Variants in SLC2A9 observed in about 807,000 individuals in gnomAD.
SLC2A9 encodes solute carrier family 2, facilitated glucose transporter member 9.
A neutral mutation model predicts 50.6 loss-of-function variants in SLC2A9; 39 were observed. The ratio of observed to expected loss-of-function variants is 0.77; its 90% confidence interval spans 0.60 to 1.01. SLC2A9 has a LOEUF of 1.01. Ranked by LOEUF, SLC2A9 falls within the 50% of genes least tolerant of loss-of-function variation. The probability of loss-of-function intolerance (pLI) is 0.00; values close to 1 mark genes in which losing one functional copy is unlikely to be tolerated. For missense variants in SLC2A9, 686 were observed against 677.6 expected, an observed-to-expected ratio of 1.01 and a Z score of -0.14; for synonymous variants, 324 against 276.9, an observed-to-expected ratio of 1.17 and a Z score of -1.69.
In SLC2A9 at chr4:9,935,074, T is replaced by G. The variant is rs140216552; in HGVS notation, c.814+6839A>C. Among the ~76,000 whole-genome samples, 542 of 152,364 alleles carry G rather than the reference T, an allele frequency of 3.6e-3. 5 individuals carry two copies. Among genetic ancestry groups the G allele is most frequent in the African/African-American group, 0.012 (515 of 41,578 alleles). ...GTCTATCATTGATGGGCATTTGGAT[T>G]GGTTCCATGTCTTTGCTATTGTAAA... On this transcript the variant is annotated intron_variant, in intron 6 of 11. Transcript: ENST00000264784.
At chr4:9,776,430 C>G (rs1717581544), downstream of SLC2A9, among the ~76,000 whole-genome samples, 1 of 152,038 alleles carries the variant, frequency 6.6e-6, no homozygotes, top group Non-Finnish European at 1.5e-5. Flanking sequence ...TGCCACTGCC[C>G]TGAGCCTCCT....
chr4:9,781,644 T>G (rs571812427), intron 3 of SLC2A9: 10 of 177,718 alleles, frequency 5.6e-5, no homozygotes, highest in African/African-American at 2.1e-4. Flanking sequence ...AGTGCCAGCC[T>G]GGCGCCCGCG....
At chr4:9,917,780 A>T (rs1275261943) in intron 7 of SLC2A9, among the ~76,000 whole-genome samples, 1 of 152,194 alleles carries the variant, frequency 6.6e-6, no homozygotes, top group African/African-American at 2.4e-5. Context: ...GTCTGGAGCC[A>T]TTTTTGGTTG....
intron 9 of SLC2A9, 55 bp from the exon 10 acceptor site, chr4:9,887,697 C>T (rs919303350): frequency 1.5e-6 from 2 of 1,372,604 alleles, no homozygotes; most frequent in African/African-American, 3.0e-5. Context: ...ACCGGAGGAC[C>T]TGAGTTCCCA....
At chr4:9,946,069 T>C (rs754070779) in intron 5 of SLC2A9, among the ~76,000 whole-genome samples, 6 of 152,134 alleles carry the variant, frequency 3.9e-5, no homozygotes, top group African/African-American at 7.2e-5. Context: ...TGAGTCTTTG[T>C]GGTGTCGGTC....
chr4:9,848,945 G>C (rs532155964), intron 10 of SLC2A9, among the ~76,000 whole-genome samples: 1 of 152,112 alleles, frequency 6.6e-6, no homozygotes, highest in African/African-American at 2.4e-5. Flanking sequence ...CTTGTGATCC[G>C]CCTGCCTCGG....
At chr4:9,794,812 G>A (rs557537161), downstream of SLC2A9, among the ~76,000 whole-genome samples, 4 of 152,154 alleles carry the variant, frequency 2.6e-5, no homozygotes, top group South Asian at 6.2e-4. Context: ...GGCAACGAGG[G>A]GATCTGATAC....
Position 9,980,601 on chromosome 4 carries a change from C to T in SLC2A9, c.672G>A (p.Leu224=). 4.3e-6 allele frequency: 7 copies of T among 1,614,198 alleles called. No homozygotes were observed. Among genetic ancestry groups the T allele is most frequent in the Non-Finnish European group, 5.9e-6 (7 of 1,180,026 alleles). The change falls in exon 5 of 12, where the codon CTG becomes CTA. Residue 224 remains leucine, a synonymous_variant. Transcript: ENST00000264784. ...FTGQLLGLPE[L]LGKESTWPYL... ...AGGGAGCCACACTCACCTTTCCCAG[C>T]AGCTCGGGCAGGCCCAGAAGCTGCC...
chr4:9,919,040 C>A (rs758901251), intron 7 of SLC2A9, among the ~76,000 whole-genome samples: 13 of 152,140 alleles, frequency 8.5e-5, no homozygotes, highest in African/African-American at 1.2e-4. Context: ...GAATTGAATT[C>A]TGTTTAGAAC....
chr4:9,927,414 C>A (rs1022929462), intron 6 of SLC2A9, among the ~76,000 whole-genome samples: 1 of 152,228 alleles, frequency 6.6e-6, no homozygotes, highest in African/African-American at 2.4e-5. Flanking sequence ...GAGCAAAGCG[C>A]AGAACAACCC....
chr4:9,997,525 C>T (rs1175939329), intron 2 of SLC2A9, among the ~76,000 whole-genome samples: 2 of 152,094 alleles, frequency 1.3e-5, no homozygotes, highest in Non-Finnish European at 2.9e-5. Flanking sequence ...GATGGTGAAA[C>T]CCTGTCTCTA....
intron 3 of SLC2A9, among the ~76,000 whole-genome samples, chr4:9,780,916 TC>T (rs1244345496): frequency 6.6e-6 from 1 of 152,168 alleles, no homozygotes; most frequent in African/African-American, 2.4e-5. Context: ...AGAAGAGGCC[TC>T]CAACTCTATG....
chr4:9,774,611 A>G (rs1717290844), intron 1 of SLC2A9, among the ~76,000 whole-genome samples: 1 of 152,148 alleles, frequency 6.6e-6, no homozygotes, highest in Non-Finnish European at 1.5e-5. Flanking sequence ...CCACTTAGAC[A>G]TGTTTCAGCT....
In SLC2A9 at chr4:9,865,968, A is replaced by C. The variant is rs539685187; in HGVS notation, c.1291+21599T>G. Among the ~76,000 whole-genome samples, 3 of 152,328 alleles carry C rather than the reference A, an allele frequency of 2.0e-5. No individual in the cohort carries two copies. In the South Asian group the frequency reaches 6.2e-4, roughly 32 times the overall value. Reference sequence around the variant, plus strand: ...TCCCAGACGCAAGGATGTGATACAGAGAAGTGAGGCACAGCCGAGCACTTC... The same window carrying C: ...TCCCAGACGCAAGGATGTGATACAGCGAAGTGAGGCACAGCCGAGCACTTC... On this transcript the variant is annotated intron_variant, in intron 10 of 11. Coordinates refer to ENST00000264784, the MANE Select transcript of SLC2A9 (RefSeq NM_020041.3).
At chr4:10,014,460 A>T (rs1762278995) in intron 2 of SLC2A9, among the ~76,000 whole-genome samples, 1 of 152,162 alleles carries the variant, frequency 6.6e-6, no homozygotes, top group Non-Finnish European at 1.5e-5. Flanking sequence ...GCCTGCTCAT[A>T]GCCTGGGTGG....
chr4:9,880,028 CTCT>C, intron 10 of SLC2A9: 10 of 985,450 alleles, frequency 1.0e-5, no homozygotes, highest in Non-Finnish European at 1.2e-5. Flanking sequence ...AGATCCATCC[CTCT>C]TCTTTAATCA....
intron 7 of SLC2A9, among the ~76,000 whole-genome samples, chr4:9,917,225 T>G (rs1229271486): frequency 1.3e-5 from 2 of 151,740 alleles, no homozygotes; most frequent in African/African-American, 2.4e-5. Flanking sequence ...GAAAGCCTAT[T>G]GTGTAAGGCA....
chr4:9,806,291 C>T (rs534991185), intron 3 of SLC2A9, among the ~76,000 whole-genome samples: 20 of 152,370 alleles, frequency 1.3e-4, no homozygotes, highest in South Asian at 4.1e-4. Context: ...CAGGGAAAAC[C>T]GCTTAAGGCG....
At chr4:9,845,141 G>A (rs1420029621) in intron 10 of SLC2A9, among the ~76,000 whole-genome samples, 1 of 151,848 alleles carries the variant, frequency 6.6e-6, no homozygotes, top group Non-Finnish European at 1.5e-5. Flanking sequence ...AGCCTCCTGA[G>A]TAGCTGGGAC....
Sources: gnomAD v4.1 joint callset for allele counts (sites outside exome capture counted in the v4.1 genomes callset) on GRCh38, gnomAD v4.1.1 for gene constraint, MANE v1.5 for transcripts, NCBI Gene and HGNC (gene_info 2026-07-23, HGNC 2026-07-21) for gene names.